Variants in TAS2R38 observed in about 807,000 individuals in gnomAD.
The protein encoded by TAS2R38 is taste 2 receptor member 38.
A neutral mutation model predicts 16.4 loss-of-function variants in TAS2R38; 11 were observed. The observed-to-expected ratio is 0.67, with a 90% CI of 0.42 to 1.11. TAS2R38 has a LOEUF of 1.11. Ranked by LOEUF, TAS2R38 falls within the 50% of genes least tolerant of loss-of-function variation. The pLI, the probability that TAS2R38 is intolerant of heterozygous loss-of-function variation, is 0.00. For synonymous variants in TAS2R38, 149 were observed against 155.6 expected (o/e 0.96, Z 0.32); for missense variants, 364 against 395.8 (o/e 0.92, Z 0.68).
chr7:141,973,110 A>C lies in TAS2R38; in HGVS notation c.580T>G (p.Ser194Ala). 1 of 1,614,146 alleles carries C rather than the reference A, an allele frequency of 6.2e-7. No homozygotes were observed. The highest frequency in any genetic ancestry group is 8.5e-7 in the Non-Finnish European group (1 of 1,180,030). Residue 194 changes from serine (S) to alanine (A), a missense_variant, in exon 1 of 1, where the codon TCC (serine) becomes GCC (alanine). Ser to Ala is a moderately conservative substitution (Grantham distance 99). Coordinates refer to ENST00000547270, the MANE Select transcript of TAS2R38 (RefSeq NM_176817.5). ...WQIKDLNLFY[S>A]FLFCYLWSVP... is the part of the protein sequence containing the mutation. Reference sequence around the variant, plus strand: ...GACCACAGATAGCAGAAGAGAAAGGAATAAAATAAATTGAGATCTTTAATC... The same window carrying C: ...GACCACAGATAGCAGAAGAGAAAGGCATAAAATAAATTGAGATCTTTAATC...
At position 141,973,156 on chromosome 7, in the gene TAS2R38, G is replaced by A. The variant is rs545517497; in HGVS notation, c.534C>T (p.Asn178=). The A allele has an allele frequency of 1.9e-6, 3 of 1,614,066 alleles. No individual in the cohort carries two copies. The highest frequency in any genetic ancestry group is 1.1e-5 in the South Asian group (1 of 91,074). Residue 178 remains asparagine, a synonymous_variant, in exon 1 of 1, where the codon AAC becomes AAT. Transcript: ENST00000547270. ...FTVTTVLFMN[N]NTRLNWQIKD... is the part of the protein sequence containing the mutation. Reference sequence around the variant, plus strand: ...TAATCTGCCAGTTGAGCCTTGTATTGTTATTCATGAATAGCACAGTTGTGA... The same window carrying A: ...TAATCTGCCAGTTGAGCCTTGTATTATTATTCATGAATAGCACAGTTGTGA...
rs1563084848 is a variant in TAS2R38, at chr7:141,973,313, T to C, written c.377A>G (p.His126Arg). Residue 126 changes from histidine to arginine, a missense_variant, in exon 1 of 1, where the codon CAC becomes CGC. By Grantham distance (29) the His-to-Arg change is conservative. Coordinates refer to ENST00000547270, the MANE Select transcript of TAS2R38 (RefSeq NM_176817.5). ...LYCSKLIRFSHTFLICLASWV... is the reference protein window; with the variant it reads ...LYCSKLIRFSRTFLICLASWV... ...GCTTGCCAAGCAGATCAGGAAGGTG[T>C]GAGAGAAACGGATGAGCTTGGAGCA... 6 of 1,613,654 alleles carry C rather than the reference T, an allele frequency of 3.7e-6. No homozygotes were observed. The highest frequency in any genetic ancestry group is 4.2e-6 in the Non-Finnish European group (5 of 1,179,904).
At position 141,973,704 on chromosome 7, in the gene TAS2R38, A is replaced by C; in HGVS notation, c.-15T>G. On this transcript the variant is annotated 5_prime_UTR_variant, in exon 1 of 1. It adds an upstream start codon to the 5' untranslated region. Coordinates refer to ENST00000547270, the MANE Select transcript of TAS2R38 (RefSeq NM_176817.5). ...AGAGTCAACATGATGTCACTTCTCT[A>C]ATTGGCTATTCTACTTCTCTTCTCT... The C allele has an allele frequency of 1.2e-6, 2 of 1,604,568 alleles. No individual in the cohort carries two copies. The highest frequency in any genetic ancestry group is 1.7e-6 in the Non-Finnish European group (2 of 1,174,684).
rs782341761 is a variant in TAS2R38, at chr7:141,972,760, G to C, written c.930C>G (p.Thr310=). Residue 310 remains threonine, a synonymous_variant, in exon 1 of 1, where the codon ACC becomes ACG. Transcript: ENST00000547270. Reference sequence around the variant, plus strand: ...GGCTGCTCTGAGCCCAGAGCAGAATGGTCATCACAGCTCTCCTCAACTTGG... The same window carrying C: ...GGCTGCTCTGAGCCCAGAGCAGAATCGTCATCACAGCTCTCCTCAACTTGG... The part of the protein sequence containing the change: ...GNAKLRRAVM[T]ILLWAQSSLK... The C allele has an allele frequency of 5.6e-6, 9 of 1,614,114 alleles. No homozygotes were observed. Among genetic ancestry groups the C allele is most frequent in the Non-Finnish European group, 7.6e-6 (9 of 1,180,018 alleles).
rs782801985 is a variant in TAS2R38 at position 141,972,707 on chromosome 7, T to C, written c.983A>G (p.Asp328Gly). 6 of 1,611,858 alleles carry C rather than the reference T, an allele frequency of 3.7e-6. No individual in the cohort carries two copies. The Admixed American group carries it at 6.7e-5, about 18-fold the overall frequency. ...CCATTCTCAGCACAGTGTCCGGGAA[T>C]CTGCCTTGTGGTCGGCTCTTACCTT... ...SLKVRADHKA[D>G]SRTLC Residue 328 changes from aspartate to glycine, a missense_variant, in exon 1 of 1, where the codon GAT (aspartate) becomes GGT (glycine). Coordinates refer to ENST00000547270, the MANE Select transcript of TAS2R38 (RefSeq NM_176817.5).
In TAS2R38 at chr7:141,972,857, C is replaced by T. The variant is rs535263893; in HGVS notation, c.833G>A (p.Gly278Glu). The T allele has an allele frequency of 1.1e-4, 170 of 1,614,126 alleles. 2 individuals are homozygous for T. The Middle Eastern group carries it at 2.0e-3, about 19-fold the overall frequency. Residue 278 changes from glycine to glutamate, a missense_variant, in exon 1 of 1, where the codon GGG becomes GAG. Transcript: ENST00000547270. Reference sequence around the variant, plus strand: ...CATTATCCCAACACAAACCATCACCCCTATTTTGTCGCGCCACAGAATCAG... The same window carrying T: ...CATTATCCCAACACAAACCATCACCTCTATTTTGTCGCGCCACAGAATCAG... ...PLLILWRDKI[G>E]VMVCVGIMAA...
chr7:141,972,862 T>C lies in TAS2R38; in HGVS notation c.828A>G (p.Lys276=), dbSNP rs371958011. The change falls in exon 1 of 1, where the codon AAA becomes AAG. Residue 276 remains lysine, a synonymous_variant. Transcript: ENST00000547270. ...SVPLLILWRD[K]IGVMVCVGIM... Reference sequence around the variant, plus strand: ...TCCCAACACAAACCATCACCCCTATTTTGTCGCGCCACAGAATCAGTAGGG... The same window carrying C: ...TCCCAACACAAACCATCACCCCTATCTTGTCGCGCCACAGAATCAGTAGGG... The C allele has an allele frequency of 5.6e-6, 9 of 1,613,888 alleles. No homozygotes were observed. The African/African-American group carries it at 1.2e-4, about 22-fold the overall frequency.
In TAS2R38 at chr7:141,973,500, G is replaced by A. The variant is rs942562148; in HGVS notation, c.190C>T (p.Arg64Trp). 9.3e-6 allele frequency: 15 copies of A among 1,614,006 alleles called. No homozygotes were observed. Among genetic ancestry groups the A allele is most frequent in the Admixed American group, 3.3e-5 (2 of 59,998 alleles). ...AACAGCAGTCCATGCAGGAAAAGCC[G>A]GCTGATGCTGAGACACAGCAGCACA... is the stretch of plus-strand genomic sequence containing the variant. ...DCVLLCLSIS[R>W]LFLHGLLFLS... The change falls in exon 1 of 1, where the codon CGG becomes TGG. Residue 64 changes from arginine (R) to tryptophan (W), a missense_variant. Transcript: ENST00000547270.
At position 141,973,139 on chromosome 7, in the gene TAS2R38, C is replaced by T; in HGVS notation, c.551G>A (p.Trp184Ter). The change falls in exon 1 of 1, where the codon TGG becomes TAG. Residue 184 changes from tryptophan (W) to a stop codon, truncating the protein, a stop_gained. Transcript: ENST00000547270. LOFTEE classifies it high-confidence loss of function. ...AAATAAATTGAGATCTTTAATCTGC[C>T]AGTTGAGCCTTGTATTGTTATTCAT... The part of the protein sequence containing the change: ...LFMNNNTRLN[W>*]QIKDLNLFYS... The T allele has an allele frequency of 1.9e-6, 3 of 1,613,978 alleles. No individual in the cohort carries two copies. The highest frequency in any genetic ancestry group is 2.2e-5 in the South Asian group (2 of 91,058).
rs141909929 is a variant in TAS2R38, at chr7:141,973,121, T to C, written c.569A>G (p.Asn190Ser). The C allele has an allele frequency of 4.6e-4, 736 of 1,613,988 alleles. 4 individuals are homozygous for C. The Middle Eastern group carries it at 4.6e-3, about 10-fold the overall frequency. Reference protein sequence around the residue: ...TRLNWQIKDLNLFYSFLFCYL... With the variant: ...TRLNWQIKDLSLFYSFLFCYL... ...GCAGAAGAGAAAGGAATAAAATAAA[T>C]TGAGATCTTTAATCTGCCAGTTGAG... Residue 190 changes from asparagine (N) to serine (S), a missense_variant, in exon 1 of 1, where the codon AAT becomes AGT. Coordinates refer to ENST00000547270, the MANE Select transcript of TAS2R38 (RefSeq NM_176817.5).
rs1803399541 is a variant in TAS2R38, at chr7:141,973,242, A to G, written c.448T>C (p.Cys150Arg). Residue 150 changes from cysteine (C) to arginine (R), a missense_variant, in exon 1 of 1, where the codon TGC becomes CGC. By Grantham distance (180) the Cys-to-Arg change is radical. Coordinates refer to ENST00000547270, the MANE Select transcript of TAS2R38 (RefSeq NM_176817.5). ...CAGAGGACAGTGCAGATGCAGGAGC[A>G]AAGAATAATACCCAGGAGCATCTGG... Reference protein sequence around the residue: ...ISQMLLGIILCSCICTVLCVW... With the variant: ...ISQMLLGIILRSCICTVLCVW... 6.2e-7 allele frequency: 1 copy of G among 1,614,016 alleles called. No homozygotes were observed. Among genetic ancestry groups the G allele is most frequent in the African/African-American group, 1.3e-5 (1 of 74,930 alleles).
In TAS2R38 at chr7:141,973,531, A is replaced by G; in HGVS notation, c.159T>C (p.Ser53=). The change falls in exon 1 of 1, where the codon AGT becomes AGC. Residue 53 remains serine, a synonymous_variant. Coordinates refer to ENST00000547270, the MANE Select transcript of TAS2R38 (RefSeq NM_176817.5). ...DVVKRQALSN[S]DCVLLCLSIS... ...TGCTGAGACACAGCAGCACACAATC[A>G]CTGTTGCTCAGTGCCTGCCTCTTCA... is the stretch of plus-strand genomic sequence containing the variant. 6.2e-7 allele frequency: 1 copy of G among 1,614,066 alleles called. No homozygotes were observed. Among genetic ancestry groups the G allele is most frequent in the East Asian group, 2.2e-5 (1 of 44,868 alleles).
At position 141,973,408 on chromosome 7, in the gene TAS2R38, G is replaced by T. The variant is rs141053758; in HGVS notation, c.282C>A (p.Ala94=). ...LSEPLNHSYQ[A]IIMLWMIANQ... ...TTGCAATCATCCATAGCATGATGAT[G>T]GCTTGGTAGCTGTGGTTCAGTGGTT... The change falls in exon 1 of 1, where the codon GCC becomes GCA. Residue 94 remains alanine, a synonymous_variant. Coordinates refer to ENST00000547270, the MANE Select transcript of TAS2R38 (RefSeq NM_176817.5). 1.2e-6 allele frequency: 2 copies of T among 1,614,094 alleles called. No homozygotes were observed. Among genetic ancestry groups the T allele is most frequent in the African/African-American group, 2.7e-5 (2 of 75,006 alleles).
Position 141,972,895 on chromosome 7 carries a change from G to A in TAS2R38, c.795C>T (p.Ile265=), listed in dbSNP as rs1803392150. 5 of 1,613,974 alleles carry A rather than the reference G, an allele frequency of 3.1e-6. No homozygotes were observed. The highest frequency in any genetic ancestry group is 4.2e-6 in the Non-Finnish European group (5 of 1,180,026). Residue 265 remains isoleucine, a synonymous_variant, in exon 1 of 1, where the codon ATC becomes ATT. Coordinates refer to ENST00000547270, the MANE Select transcript of TAS2R38 (RefSeq NM_176817.5). The part of the protein sequence containing the change: ...FFVISSCAAF[I]SVPLLILWRD... ...GCCACAGAATCAGTAGGGGCACAGAGATGAAGGCAGCACAGGATGATATCA... is the reference window on the plus strand; with the variant it reads ...GCCACAGAATCAGTAGGGGCACAGAAATGAAGGCAGCACAGGATGATATCA...
At position 141,973,246 on chromosome 7, in the gene TAS2R38, A is replaced by C. The variant is rs782149643; in HGVS notation, c.444T>G (p.Ile148Met). 1 of 1,613,934 alleles carries C rather than the reference A, an allele frequency of 6.2e-7. No homozygotes were observed. Among genetic ancestry groups the C allele is most frequent in the Non-Finnish European group, 8.5e-7 (1 of 1,180,006 alleles). ...RKISQMLLGI[I>M]LCSCICTVLC... ...GGACAGTGCAGATGCAGGAGCAAAG[A>C]ATAATACCCAGGAGCATCTGGGAGA... Residue 148 changes from isoleucine to methionine, a missense_variant, in exon 1 of 1, where the codon ATT (isoleucine) becomes ATG (methionine). Coordinates refer to ENST00000547270, the MANE Select transcript of TAS2R38 (RefSeq NM_176817.5).
chr7:141,973,678 T>TA lies in TAS2R38; in HGVS notation c.11dup (p.Thr5AsnfsTer9), dbSNP rs782509053. ...CATAGGACACAGTGCGGATGCGAGT[T>TA]AGAGTCAACATGATGTCACTTCTCT... is the stretch of plus-strand genomic sequence containing the variant. On this transcript the variant is annotated frameshift_variant, in exon 1 of 1. Coordinates refer to ENST00000547270, the MANE Select transcript of TAS2R38 (RefSeq NM_176817.5). LOFTEE classifies it high-confidence loss of function. The TA allele has an allele frequency of 6.2e-6, 10 of 1,612,560 alleles. 1 individual carries two copies. The South Asian group carries it at 1.1e-4, about 18-fold the overall frequency.
At position 141,973,410 on chromosome 7, in the gene TAS2R38, C is replaced by G; in HGVS notation, c.280G>C (p.Ala94Pro). 2 of 1,614,072 alleles carry G rather than the reference C, an allele frequency of 1.2e-6. No individual in the cohort carries two copies. Among genetic ancestry groups the G allele is most frequent in the Non-Finnish European group, 1.7e-6 (2 of 1,180,010 alleles). ...LSEPLNHSYQ[A>P]IIMLWMIANQ... ...GCAATCATCCATAGCATGATGATGGCTTGGTAGCTGTGGTTCAGTGGTTCA... is the reference window on the plus strand; with the variant it reads ...GCAATCATCCATAGCATGATGATGGGTTGGTAGCTGTGGTTCAGTGGTTCA... Residue 94 changes from alanine (A) to proline (P), a missense_variant, in exon 1 of 1, where the codon GCC becomes CCC. Transcript: ENST00000547270.
In TAS2R38 at chr7:141,972,642, G is replaced by T; in HGVS notation, c.*46C>A. 1 of 1,531,416 alleles carries T rather than the reference G, an allele frequency of 6.5e-7. No homozygotes were observed. The highest frequency in any genetic ancestry group is 1.3e-5 in the South Asian group (1 of 78,104). 94.9% of individuals were successfully genotyped at this position (1,531,416 alleles called of 1,614,324 possible). On this transcript the variant is annotated 3_prime_UTR_variant, in exon 1 of 1. Coordinates refer to ENST00000547270, the MANE Select transcript of TAS2R38 (RefSeq NM_176817.5). The stretch of plus-strand genomic sequence containing the variant: ...CCTGAAGAATCAGAGGCATATTTAT[G>T]AAGACTCACAGGCGTATTAATGAAG...
At position 141,973,566 on chromosome 7, in the gene TAS2R38, A is replaced by C. The variant is rs892467049; in HGVS notation, c.124T>G (p.Trp42Gly). The C allele has an allele frequency of 6.2e-7, 1 of 1,614,030 alleles. No individual in the cohort carries two copies. Among genetic ancestry groups the C allele is most frequent in the Non-Finnish European group, 8.5e-7 (1 of 1,179,930 alleles). The change falls in exon 1 of 1, where the codon TGG (tryptophan) becomes GGG (glycine). Residue 42 changes from tryptophan to glycine, a missense_variant. Coordinates refer to ENST00000547270, the MANE Select transcript of TAS2R38 (RefSeq NM_176817.5). ...AGTGCCTGCCTCTTCACTACATCCCAAAAATTCACCAAGAAAACGAAGGCA... is the reference window on the plus strand; with the variant it reads ...AGTGCCTGCCTCTTCACTACATCCCCAAAATTCACCAAGAAAACGAAGGCA... Reference protein sequence around the residue: ...TNAFVFLVNFWDVVKRQALSN... With the variant: ...TNAFVFLVNFGDVVKRQALSN...
Sources: gnomAD v4.1 joint callset for allele counts on GRCh38, gnomAD v4.1.1 for gene constraint, MANE v1.5 for transcripts, NCBI Gene and HGNC (gene_info 2026-07-23, HGNC 2026-07-21) for gene names.